FARP2: variants seen among roughly 807,000 people sequenced by gnomAD.
The protein encoded by FARP2 is FERM, ARHGEF and pleckstrin domain-containing protein 2.
A neutral mutation model predicts 130.5 loss-of-function variants in FARP2; 111 were observed. The ratio of observed to expected loss-of-function variants is 0.85; its 90% CI spans 0.73 to 1.00. The LOEUF is 1.00. FARP2 is among the 50% of genes least tolerant of loss of function. FARP2 has a pLI of 0.00. For synonymous variants in FARP2, 504 were observed against 516.9 expected (o/e 0.98, Z 0.34); for missense variants, 1,385 against 1,346.3 (o/e 1.03, Z -0.45).
At chr2:241,476,756 C>A (rs544027937) in intron 19 of FARP2, among the ~76,000 whole-genome samples, 2 of 152,150 alleles carry the variant, frequency 1.3e-5, no homozygotes, top group South Asian at 4.2e-4. Context: ...TACATACATA[C>A]AAAAAATATA....
chr2:241,473,809 A>G (rs1235918110), intron 18 of FARP2, among the ~76,000 whole-genome samples: 1 of 152,204 alleles, frequency 6.6e-6, no homozygotes, highest in Non-Finnish European at 1.5e-5. Flanking sequence ...ATCTGCACAG[A>G]GCAATAGGGT....
Position 241,463,348 on chromosome 2 carries a change from C to T in FARP2, c.1691C>T (p.Ala564Val), listed in dbSNP as rs1389804552. 4.3e-6 allele frequency: 7 copies of T among 1,614,074 alleles called. No individual in the cohort carries two copies. The highest frequency in any genetic ancestry group is 1.7e-6 in the Non-Finnish European group (2 of 1,179,972). Residue 564 changes from alanine to valine, a missense_variant, in exon 16 of 27, where the codon GCA becomes GTA. Physicochemically the swap from Ala to Val is moderately conservative, Grantham distance 64 (BLOSUM62 0). Transcript: ENST00000264042. ...LEVITVWFRS[A>V]VVKEDAMPAT... ...CTCTTCCCACAGTGGTTCCGCAGCG[C>T]AGTGGTGAAGGAGGACGCCATGCCT...
chr2:241,375,235 G>A (rs2061508977), intron 2 of FARP2, among the ~76,000 whole-genome samples: 1 of 152,156 alleles, frequency 6.6e-6, no homozygotes, highest in African/African-American at 2.4e-5. Flanking sequence ...ACAGGTGTGA[G>A]CCACCGCGCC....
In FARP2 at chr2:241,475,842, G is replaced by A. The variant is rs1216546760; in HGVS notation, c.2132-15G>A. The A allele has an allele frequency of 6.2e-7, 1 of 1,606,260 alleles. No individual in the cohort carries two copies. Among genetic ancestry groups the A allele is most frequent in the African/African-American group, 1.3e-5 (1 of 74,726 alleles). ...CACTGCCTGTACACCTGTACTGAGGGGTCTCTCCACACAGACGCCCTGAAA... is the reference window on the plus strand; with the variant it reads ...CACTGCCTGTACACCTGTACTGAGGAGTCTCTCCACACAGACGCCCTGAAA... On this transcript the variant is annotated splice_polypyrimidine_tract_variant and intron_variant, in intron 18 of 26. Transcript: ENST00000264042. This position sits in a 1 kb window ranked among gnomAD's most constrained non-coding sequence, Gnocchi z 4.4.
chr2:241,442,190 G>A (rs1191250706), intron 13 of FARP2: 2 of 455,254 alleles, frequency 4.4e-6, no homozygotes, highest in South Asian at 1.6e-5. Flanking sequence ...ATGCCACTAC[G>A]TGGTGGGCTG....
intron 2 of FARP2, among the ~76,000 whole-genome samples, chr2:241,397,981 C>T (rs2062072295): frequency 6.6e-6 from 1 of 151,832 alleles, no homozygotes; most frequent in Admixed American, 6.6e-5. Flanking sequence ...AGGCGCCTGC[C>T]ACCATGCCCG....
At chr2:241,430,282 G>C (rs1225325660) in intron 8 of FARP2, among the ~76,000 whole-genome samples, 1 of 152,084 alleles carries the variant, frequency 6.6e-6, no homozygotes, top group South Asian at 2.1e-4. Context: ...GACATGCCAG[G>C]CTTGTTTTGT....
chr2:241,477,549 C>T (rs1031127872), intron 19 of FARP2, among the ~76,000 whole-genome samples: 1 of 152,170 alleles, frequency 6.6e-6, no homozygotes, highest in Non-Finnish European at 1.5e-5. Context: ...CTGCTGTGGA[C>T]GTTCATGTAC....
At chr2:241,417,826 CACAG>C (rs2062714232) in intron 7 of FARP2, 132 bp from the exon 8 acceptor site, 3 of 919,664 alleles carry the variant, frequency 3.3e-6, no homozygotes. Context: ...AGTGGGTAAA[CACAG>C]ACAGTGAACC....
intron 8 of FARP2, among the ~76,000 whole-genome samples, chr2:241,430,207 C>T (rs948844414): frequency 6.6e-6 from 1 of 152,224 alleles, no homozygotes; most frequent in Non-Finnish European, 1.5e-5. Context: ...CTTCAAGCTG[C>T]CTCTTGTGTC....
chr2:241,375,999 C>T (rs773058516), intron 2 of FARP2, among the ~76,000 whole-genome samples: 1 of 152,166 alleles, frequency 6.6e-6, no homozygotes, highest in Non-Finnish European at 1.5e-5. Context: ...CCCTGTCCTC[C>T]ACAACTGCAT....
intron 7 of FARP2, among the ~76,000 whole-genome samples, chr2:241,415,989 CTGTGTGTGTGTGTGTG>C (rs57774022): frequency 1.2e-4 from 17 of 141,714 alleles, no homozygotes; most frequent in Non-Finnish European, 1.8e-4. Context: ...CAGGGTAGTT[CTGTGTGTGTGTGTGTG>C]TGTGTGTGTG....
At chr2:241,416,681 C>A (rs755658433) in intron 7 of FARP2, among the ~76,000 whole-genome samples, 5 of 152,166 alleles carry the variant, frequency 3.3e-5, no homozygotes, top group Non-Finnish European at 5.9e-5. Flanking sequence ...AATCCCAACA[C>A]TTTGAGAGGC....
rs368083462 is a variant in FARP2 at position 241,398,454 on chromosome 2, C to G, written c.184-5374C>G. ...TATAGCTGTGGTTTGCTTGTTTGTT[C>G]GTTGCTGGGTAGTATTCCATTGTAA... On this transcript the variant is annotated intron_variant, in intron 2 of 26. Transcript: ENST00000264042. Among the ~76,000 whole-genome samples the G allele has an allele frequency of 4.6e-5, 7 of 152,126 alleles. No homozygotes were observed. In the South Asian group the frequency reaches 1.5e-3, roughly 32 times the overall value.
intron 1 of FARP2, among the ~76,000 whole-genome samples, chr2:241,370,511 G>A (rs2061401313): frequency 2.0e-5 from 3 of 152,040 alleles, no homozygotes; most frequent in Admixed American, 1.3e-4. Flanking sequence ...AGGGCATCAT[G>A]TTGTACATGA....
At position 241,493,408 on chromosome 2, in the gene FARP2, A is replaced by G. The variant is rs201251233; in HGVS notation, c.3011A>G (p.Tyr1004Cys). Residue 1004 changes from tyrosine to cysteine, a missense_variant, in exon 26 of 27, where the codon TAC (tyrosine) becomes TGC (cysteine). By Grantham distance (194) the Tyr-to-Cys change is radical. Coordinates refer to ENST00000264042, the MANE Select transcript of FARP2 (RefSeq NM_014808.4). ...AAGCTCCAGTTCAAATCCCACGTCT[A>G]CTTCTTCCGGGCTGAGAGCAAGTAC... is the stretch of plus-strand genomic sequence containing the variant. ...VFKLQFKSHV[Y>C]FFRAESKYTF... 34 of 1,613,936 alleles carry G rather than the reference A, an allele frequency of 2.1e-5. No homozygotes were observed. The African/African-American group carries it at 2.5e-4, about 12-fold the overall frequency.
intron 5 of FARP2, among the ~76,000 whole-genome samples, chr2:241,410,622 G>T (rs1267329793): frequency 6.6e-6 from 1 of 152,062 alleles, no homozygotes; most frequent in Non-Finnish European, 1.5e-5. Flanking sequence ...TAGAGACAGG[G>T]TTTCACAGTG....
intron 19 of FARP2, among the ~76,000 whole-genome samples, chr2:241,479,210 G>T (rs1309087866): frequency 6.6e-6 from 1 of 152,184 alleles, no homozygotes; most frequent in Non-Finnish European, 1.5e-5. Flanking sequence ...TTCTGGCCAG[G>T]TGGGTACTAT....
chr2:241,491,515 G>A lies in FARP2; in HGVS notation c.2624-1G>A. 2 of 1,613,236 alleles carry A rather than the reference G, an allele frequency of 1.2e-6. No individual in the cohort carries two copies. On this transcript the variant is annotated splice_acceptor_variant, in intron 23 of 26. Transcript: ENST00000264042. LOFTEE classifies it high-confidence loss of function. ...CTGAGACGCTGCTGACTTCTCCCCA[G>A]GATCCCCCAACGAGGTATCTCTGGA...
Sources: gnomAD v4.1 joint callset for allele counts (sites outside exome capture counted in the v4.1 genomes callset) on GRCh38, gnomAD v4.1.1 for gene constraint, Gnocchi (gnomAD v3.1) non-coding constraint, MANE v1.5 for transcripts, NCBI Gene and HGNC (gene_info 2026-07-23, HGNC 2026-07-21) for gene names.